Variants in SNX11 observed in about 807,000 individuals in gnomAD.
SNX11 encodes the protein sorting nexin-11.
Under a neutral mutation model 30.7 loss-of-function variants are expected in SNX11, and 19 were observed. The ratio of observed to expected loss-of-function variants is 0.62; its 90% CI spans 0.43 to 0.91. The LOEUF (loss-of-function observed/expected upper bound fraction) is 0.91, where lower values mean the gene tolerates loss of function less well. Among genes scored for constraint, SNX11 ranks in the 40% least tolerant of loss-of-function variants. The pLI is 0.00. For missense variants in SNX11, 302 were observed against 326.7 expected, an observed-to-expected ratio of 0.92 and a Z score of 0.58; for synonymous variants, 112 against 119.0, an observed-to-expected ratio of 0.94 and a Z score of 0.38.
rs2063617816 is a variant in SNX11, at chr17:48,123,497, C to T, written c.*1989C>T. Among the ~76,000 whole-genome samples, 1 of 152,150 alleles carries T rather than the reference C, an allele frequency of 6.6e-6. No individual in the cohort carries two copies. Among genetic ancestry groups the T allele is most frequent in the South Asian group, 2.1e-4 (1 of 4,818 alleles). ...TGGAGTTGGTGCTCAGCAGCTAGTT[C>T]TGCCAGCCGGCTAGGCTGCTGGGAC... On this transcript the variant is annotated 3_prime_UTR_variant, in exon 7 of 7. Coordinates refer to ENST00000359238, the MANE Select transcript of SNX11 (RefSeq NM_013323.3).
At chr17:48,114,454 C>G (rs73332969) in intron 4 of SNX11, among the ~76,000 whole-genome samples, 5,422 of 137,308 alleles carry the variant, frequency 0.039, 115 homozygotes, top group South Asian at 0.056. Flanking sequence ...ATGCCCAGGC[C>G]TTCTTTTTTT....
chr17:48,116,590 T>C (rs1313739878), intron 4 of SNX11, among the ~76,000 whole-genome samples: 5 of 151,176 alleles, frequency 3.3e-5, no homozygotes, highest in African/African-American at 4.9e-5. Flanking sequence ...TTTTTTTTTT[T>C]CTGAGGCGGA....
In SNX11 at chr17:48,112,605, G is replaced by A. The variant is rs376112408; in HGVS notation, c.74G>A (p.Arg25Gln). The A allele has an allele frequency of 1.7e-5, 28 of 1,613,606 alleles. No homozygotes were observed. The Admixed American group carries it at 2.2e-4, about 12-fold the overall frequency. ...EVITVRVQDP[R>Q]VQNEGSWNSY... is the part of the protein sequence containing the mutation. ...ATTACAGTGCGTGTTCAGGACCCCC[G>A]AGTGCAGAATGAGGGCTCCTGGAAC... The change falls in exon 3 of 7, where the codon CGA (arginine) becomes CAA (glutamine). Residue 25 changes from arginine (R) to glutamine (Q), a missense_variant. Coordinates refer to ENST00000359238, the MANE Select transcript of SNX11 (RefSeq NM_013323.3).
chr17:48,110,999 A>G, intron 1 of SNX11: 1 of 747,724 alleles, frequency 1.3e-6, no homozygotes, highest in Non-Finnish European at 1.6e-6. Context: ...GAACTGCCAC[A>G]TTGGGGAAAA....
Position 48,118,692 on chromosome 17 carries a change from G to A in SNX11, c.231-12G>A. ...ACACTTATCATGGGTGTTATATCAT[G>A]TGGCTGCACAGGCCTGTTCCTGAAC... On this transcript the variant is annotated splice_polypyrimidine_tract_variant and intron_variant, in intron 4 of 6. Transcript: ENST00000359238. The A allele has an allele frequency of 1.2e-6, 2 of 1,603,936 alleles. No individual in the cohort carries two copies. The highest frequency in any genetic ancestry group is 1.1e-5 in the South Asian group (1 of 90,856).
At chr17:48,108,674 T>C (rs1179923275) in intron 1 of SNX11, among the ~76,000 whole-genome samples, 1 of 152,316 alleles carries the variant, frequency 6.6e-6, no homozygotes, top group South Asian at 2.1e-4. Context: ...ACTTCAGATG[T>C]GGTTGAAAGG....
chr17:48,114,457 C>CT (rs34029008), intron 4 of SNX11, among the ~76,000 whole-genome samples: 19,443 of 123,456 alleles, frequency 0.16, 2,325 homozygotes, highest in African/African-American at 0.3. Flanking sequence ...CCCAGGCCTT[C>CT]TTTTTTTTTT....
Position 48,112,586 on chromosome 17 carries a change from G to T in SNX11, c.55G>T (p.Val19Leu), listed in dbSNP as rs1328054139. ...TTCTTACCTACAGGAGGTGATTACA[G>T]TGCGTGTTCAGGACCCCCGAGTGCA... ...ENQEQEEVIT[V>L]RVQDPRVQNE... Residue 19 changes from valine to leucine, a missense_variant, in exon 3 of 7, where the codon GTG becomes TTG. Transcript: ENST00000359238. The T allele has an allele frequency of 5.6e-6, 9 of 1,612,892 alleles. No individual in the cohort carries two copies. The highest frequency in any genetic ancestry group is 5.0e-5 in the Admixed American group (3 of 59,948).
chr17:48,111,986 C>T, intron 1 of SNX11, 45 bp from the exon 2 acceptor site: 2 of 1,469,644 alleles, frequency 1.4e-6, no homozygotes, highest in Non-Finnish European at 1.9e-6. Context: ...ATGATAAGAA[C>T]AGAGGCATAC....
intron 4 of SNX11, among the ~76,000 whole-genome samples, chr17:48,115,370 G>C (rs1014799287): frequency 2.0e-5 from 3 of 152,100 alleles, no homozygotes; most frequent in Non-Finnish European, 2.9e-5. Flanking sequence ...CCAGATATAT[G>C]TTCTTAAATC....
chr17:48,112,635 A>C lies in SNX11; in HGVS notation c.104A>C (p.Tyr35Ser). 3.1e-6 allele frequency: 5 copies of C among 1,612,048 alleles called. No homozygotes were observed. The highest frequency in any genetic ancestry group is 4.2e-6 in the Non-Finnish European group (5 of 1,178,772). ...CAGAATGAGGGCTCCTGGAACTCTT[A>C]TGTGGATTATAAGATATTCCTCCAT... ...RVQNEGSWNS[Y>S]VDYKIFLHTN... Residue 35 changes from tyrosine to serine, a missense_variant, in exon 3 of 7, where the codon TAT becomes TCT. By Grantham distance (144) the Tyr-to-Ser change is moderately radical. Coordinates refer to ENST00000359238, the MANE Select transcript of SNX11 (RefSeq NM_013323.3).
chr17:48,115,869 A>G (rs1598335216), intron 4 of SNX11, among the ~76,000 whole-genome samples: 1 of 148,624 alleles, frequency 6.7e-6, no homozygotes, highest in Non-Finnish European at 1.5e-5. Context: ...ACCAGGTGAA[A>G]CTCCGTTCCC....
Position 48,112,230 on chromosome 17 carries a change from A to G in SNX11, c.42+145A>G, listed in dbSNP as rs2063499453. 3 of 820,914 alleles carry G rather than the reference A, an allele frequency of 3.7e-6. No homozygotes were observed. The African/African-American group carries it at 5.1e-5, about 14-fold the overall frequency. 50.9% of individuals were successfully genotyped at this position (820,914 alleles called of 1,614,324 possible). A position where few individuals can be genotyped will look rare whatever the true frequency, so the allele number is the denominator to read the frequency against. On this transcript the variant is annotated intron_variant, in intron 2 of 6. Coordinates refer to ENST00000359238, the MANE Select transcript of SNX11 (RefSeq NM_013323.3). ...ATGAGCTCAGAATAAAGTCAGGAGA[A>G]AGAAATCAACAGCAGAGGCATTCCT... is the stretch of plus-strand genomic sequence containing the variant.
At chr17:48,111,347 G>C (rs990016983) in intron 1 of SNX11, among the ~76,000 whole-genome samples, 1 of 152,014 alleles carries the variant, frequency 6.6e-6, no homozygotes, top group African/African-American at 2.4e-5. Context: ...TGTTAGGCTC[G>C]CTTTCAAAGC....
rs566020945 is a variant in SNX11 at position 48,118,901 on chromosome 17, C to G, written c.327-73C>G. The stretch of plus-strand genomic sequence containing the variant: ...CTCCCTGCTCAGGTAGCCAGAAGTT[C>G]TTAAGAGGATGGGGAATGGAGAGCA... On this transcript the variant is annotated intron_variant, in intron 5 of 6. Transcript: ENST00000359238. 1.3e-3 allele frequency: 2,064 copies of G among 1,571,572 alleles called. 11 individuals carry two copies. The highest frequency in any genetic ancestry group is 8.0e-3 in the South Asian group (723 of 90,106).
At chr17:48,120,613 A>G (rs1333971164) in intron 6 of SNX11, among the ~76,000 whole-genome samples, 1 of 140,514 alleles carries the variant, frequency 7.1e-6, no homozygotes, top group East Asian at 2.1e-4. Flanking sequence ...GGTTCACACC[A>G]TTCTCCTGCC....
At chr17:48,116,174 C>G (rs1251078971) in intron 4 of SNX11, among the ~76,000 whole-genome samples, 1 of 152,040 alleles carries the variant, frequency 6.6e-6, no homozygotes, top group Admixed American at 6.6e-5. Context: ...CAGAGAATTG[C>G]TTGAACCTGG....
chr17:48,111,618 G>A (rs1227245307), intron 1 of SNX11, among the ~76,000 whole-genome samples: 1 of 147,738 alleles, frequency 6.8e-6, no homozygotes, highest in African/African-American at 2.5e-5. Context: ...TTGCACTCCA[G>A]CCTGGGCAAC....
Position 48,121,271 on chromosome 17 carries a change from T to A in SNX11, c.576T>A (p.Ser192=), listed in dbSNP as rs758926428. The A allele has an allele frequency of 1.2e-6, 2 of 1,614,182 alleles. No homozygotes were observed. Among genetic ancestry groups the A allele is most frequent in the Non-Finnish European group, 1.7e-6 (2 of 1,180,018 alleles). The part of the protein sequence containing the change: ...CFLPRSGRRS[S]PSPPPSEEKD... ...TTCCAAGATCGGGTAGGAGGAGCTC[T>A]CCCTCACCGCCTCCCAGTGAAGAAA... The change falls in exon 7 of 7, where the codon TCT becomes TCA. Residue 192 remains serine, a synonymous_variant. Transcript: ENST00000359238.
Sources: gnomAD v4.1 joint callset for allele counts (sites outside exome capture counted in the v4.1 genomes callset) on GRCh38, gnomAD v4.1.1 for gene constraint, MANE v1.5 for transcripts, NCBI Gene and HGNC (gene_info 2026-07-23, HGNC 2026-07-21) for gene names.